Variants in KLF15 observed in about 807,000 individuals in gnomAD.
KLF15 encodes the protein Krueppel-like factor 15.
In KLF15, 4 loss-of-function variants were observed where a neutral mutation model predicts 24.6. The observed-to-expected ratio is 0.16, with a 90% confidence interval of 0.08 to 0.37. The LOEUF (loss-of-function observed/expected upper bound fraction) is 0.37. Among genes scored for constraint, KLF15 ranks in the 10% least tolerant of loss-of-function variants. The pLI is 1.00. For synonymous variants in KLF15, 246 were observed against 236.3 expected (o/e 1.04, Z -0.37); for missense variants, 496 against 560.6 (o/e 0.88, Z 1.16).
chr3:126,313,316 G>C, the KLF15 span, among the ~76,000 whole-genome samples: 11 of 152,268 alleles, frequency 7.2e-5, no homozygotes, highest in African/African-American at 2.4e-4. Context: ...GGAACTGTGG[G>C]GAAATGAACC....
intron 2 of KLF15, among the ~76,000 whole-genome samples, chr3:126,345,624 C>T (rs941311501): frequency 7.2e-5 from 11 of 152,060 alleles, no homozygotes; most frequent in Non-Finnish European, 8.8e-5. Context: ...CACAGGGACA[C>T]GAGGCCCAAC....
At chr3:126,307,325 A>G in the KLF15 span, among the ~76,000 whole-genome samples, 1 of 152,174 alleles carries the variant, frequency 6.6e-6, no homozygotes, top group Admixed American at 6.5e-5. Flanking sequence ...GGGGCCTGAA[A>G]TGGGCCACCA....
the KLF15 span, among the ~76,000 whole-genome samples, chr3:126,315,761 G>A: frequency 6.6e-6 from 1 of 152,184 alleles, no homozygotes. Context: ...TCAAGAAGGA[G>A]GTGGGCTTTC....
chr3:126,343,871 C>G lies in KLF15; in HGVS notation c.1107G>C (p.Ser369=). 3 of 1,597,446 alleles carry G rather than the reference C, an allele frequency of 1.9e-6. No homozygotes were observed. Among genetic ancestry groups the G allele is most frequent in the African/African-American group, 2.7e-5 (2 of 74,210 alleles). The change falls in exon 3 of 3, where the codon TCG becomes TCC. Residue 369 remains serine (S), a synonymous_variant. Coordinates refer to ENST00000296233, the MANE Select transcript of KLF15 (RefSeq NM_014079.4). ...GWRFSRSDEL[S]RHRRSHSGVK... is the part of the protein sequence containing the mutation. Reference sequence around the variant, plus strand: ...CACCTGAGTGCGAGCGCCTGTGCCGCGACAGCTCGTCAGAGCGCGAGAACC... The same window carrying G: ...CACCTGAGTGCGAGCGCCTGTGCCGGGACAGCTCGTCAGAGCGCGAGAACC...
At chr3:126,342,116 A>T (rs2082483461), downstream of KLF15, among the ~76,000 whole-genome samples, 1 of 152,194 alleles carries the variant, frequency 6.6e-6, no homozygotes, top group Admixed American at 6.5e-5. Context: ...ACGTAACTGC[A>T]TATACTGGCC....
the KLF15 span, among the ~76,000 whole-genome samples, chr3:126,307,342 G>A: frequency 6.6e-6 from 1 of 152,304 alleles, no homozygotes; most frequent in South Asian, 2.1e-4. Flanking sequence ...ACCATCCAGC[G>A]GGCTCACAGG....
chr3:126,348,124 G>A (rs55820121), intron 2 of KLF15, among the ~76,000 whole-genome samples: 61,786 of 152,052 alleles, frequency 0.41, 12,865 homozygotes, highest in Non-Finnish European at 0.45. Flanking sequence ...TGCAGAGGGA[G>A]GTCCCTGATT....
the KLF15 span, among the ~76,000 whole-genome samples, chr3:126,315,596 G>A: frequency 9.9e-5 from 15 of 152,088 alleles, no homozygotes; most frequent in African/African-American, 3.4e-4. Context: ...ATAGAAGGCC[G>A]GCAGGCTCCG....
the KLF15 span, among the ~76,000 whole-genome samples, chr3:126,314,062 A>G: frequency 1.3e-5 from 2 of 152,162 alleles, no homozygotes; most frequent in African/African-American, 4.8e-5. Flanking sequence ...AGCCTAAAAT[A>G]TCTATTATCT....
At chr3:126,308,445 C>T in the KLF15 span, among the ~76,000 whole-genome samples, 3 of 140,146 alleles carry the variant, frequency 2.1e-5, no homozygotes, top group African/African-American at 9.8e-5. Flanking sequence ...TGCTGGCCGC[C>T]AGGGGACGAC....
At chr3:126,336,250 G>C in the KLF15 span, among the ~76,000 whole-genome samples, 8 of 131,978 alleles carry the variant, frequency 6.1e-5, no homozygotes, top group Non-Finnish European at 9.6e-5. Context: ...GAACAGAACA[G>C]AGCCCTCAGA....
the KLF15 span, among the ~76,000 whole-genome samples, chr3:126,334,002 G>A: frequency 3.3e-5 from 5 of 151,868 alleles, no homozygotes; most frequent in South Asian, 4.2e-4. Flanking sequence ...TGTCAACATT[G>A]GACAGATCAA....
At chr3:126,304,348 A>T in the KLF15 span, among the ~76,000 whole-genome samples, 96 of 152,222 alleles carry the variant, frequency 6.3e-4, no homozygotes, top group African/African-American at 2.2e-3. Context: ...ATGCTGTGTG[A>T]ATTAAGAGGT....
chr3:126,352,263 C>G lies in KLF15; in HGVS notation c.660G>C (p.Leu220Phe). The G allele has an allele frequency of 6.5e-7, 1 of 1,538,838 alleles. No individual in the cohort carries two copies. The highest frequency in any genetic ancestry group is 8.7e-7 in the Non-Finnish European group (1 of 1,145,488). ...TCACAGGCACGGGCTGGATCTGCAGCAACACTGGGATGGGGCCATCAGGCG... is the reference window on the plus strand; with the variant it reads ...TCACAGGCACGGGCTGGATCTGCAGGAACACTGGGATGGGGCCATCAGGCG... ...GPTPDGPIPV[L>F]LQIQPVPVKQ... The change falls in exon 2 of 3, where the codon TTG becomes TTC. Residue 220 changes from leucine to phenylalanine, a missense_variant. Physicochemically the swap from Leu to Phe is conservative, Grantham distance 22. Coordinates refer to ENST00000296233, the MANE Select transcript of KLF15 (RefSeq NM_014079.4).
downstream of KLF15, among the ~76,000 whole-genome samples, chr3:126,337,785 C>A (rs1378071717): frequency 6.6e-6 from 1 of 152,058 alleles, no homozygotes; most frequent in Non-Finnish European, 1.5e-5. Context: ...ACACAATGAC[C>A]CTATGAGGAA....
chr3:126,357,071 C>G (rs1196062691), intron 1 of KLF15, among the ~76,000 whole-genome samples, 166 bp downstream of exon 1: 2 of 151,728 alleles, frequency 1.3e-5, no homozygotes, highest in Non-Finnish European at 2.9e-5. Context: ...CGACCCCTGC[C>G]CACCTCCGCG....
chr3:126,336,652 G>A, the KLF15 span, among the ~76,000 whole-genome samples: 1 of 35,166 alleles, frequency 2.8e-5, no homozygotes, highest in Non-Finnish European at 4.7e-5. Flanking sequence ...TACAAAATGG[G>A]AGAAAATTTT....
the KLF15 span, among the ~76,000 whole-genome samples, chr3:126,311,138 A>G: frequency 5.9e-5 from 9 of 152,116 alleles, no homozygotes; most frequent in Non-Finnish European, 1.3e-4. Context: ...CCTGCCCAAC[A>G]TCTTCCAAGG....
rs2082598187 is a variant in KLF15, at chr3:126,352,924, C to T, written c.-2G>A. The stretch of plus-strand genomic sequence containing the variant: ...CACTGGAAGTAAGTGGTCCACCATG[C>T]TGGCCTGGCCGTGCCGGTGGCGGCT... On this transcript the variant is annotated 5_prime_UTR_variant, in exon 2 of 3. Transcript: ENST00000296233. 1 of 1,594,012 alleles carries T rather than the reference C, an allele frequency of 6.3e-7. No homozygotes were observed.
Sources: allele counts gnomAD v4.1 joint callset (sites outside exome capture counted in the v4.1 genomes callset), GRCh38; gene constraint gnomAD v4.1.1; transcripts MANE v1.5; gene names NCBI Gene and HGNC (gene_info 2026-07-23, HGNC 2026-07-21).